Variants in MAML2 observed in about 807,000 individuals in gnomAD.
MAML2 encodes the protein mastermind-like protein 2.
Under a neutral mutation model 96.1 loss-of-function variants are expected in MAML2, and 22 were observed. The observed-to-expected ratio is 0.23, with a 90% confidence interval of 0.16 to 0.33. The LOEUF (loss-of-function observed/expected upper bound fraction) is 0.33, where lower values mean the gene tolerates loss of function less well. Among genes scored for constraint, MAML2 ranks in the 10% least tolerant of loss-of-function variants. The pLI is 1.00. For missense variants in MAML2, 1,367 were observed against 1,392.4 expected, an observed-to-expected ratio of 0.98 and a Z score of 0.29; for synonymous variants, 561 against 521.3, an observed-to-expected ratio of 1.08 and a Z score of -1.04.
At chr11:96,309,871 T>C (rs1258792657) in intron 1 of MAML2, among the ~76,000 whole-genome samples, 1 of 151,942 alleles carries the variant, frequency 6.6e-6, no homozygotes, top group Non-Finnish European at 1.5e-5. Flanking sequence ...AGCTAATTTA[T>C]ACATTTTTTT....
At chr11:96,172,761 A>T (rs1031941251) in intron 1 of MAML2, among the ~76,000 whole-genome samples, 3 of 152,182 alleles carry the variant, frequency 2.0e-5, no homozygotes, top group Non-Finnish European at 4.4e-5. Flanking sequence ...GCTGGTTTTA[A>T]TAATAATTTT....
chr11:96,216,683 A>G (rs1565251856), intron 1 of MAML2, among the ~76,000 whole-genome samples: 1 of 152,196 alleles, frequency 6.6e-6, no homozygotes, highest in African/African-American at 2.4e-5. Flanking sequence ...AAAAGCAGAA[A>G]GAGACTCAGT....
intron 4 of MAML2, among the ~76,000 whole-genome samples, chr11:95,984,635 G>A (rs1857797640): frequency 6.6e-6 from 1 of 152,158 alleles, no homozygotes; most frequent in South Asian, 2.1e-4. Flanking sequence ...ATTTGAGGGG[G>A]TTTAAATAAG....
intron 1 of MAML2, among the ~76,000 whole-genome samples, chr11:96,171,443 C>G (rs1368641920): frequency 1.3e-5 from 2 of 152,146 alleles, no homozygotes; most frequent in African/African-American, 4.8e-5. Flanking sequence ...CCTTCCCACT[C>G]CACTCTGCAA....
chr11:96,099,985 G>T (rs185313724), intron 1 of MAML2, among the ~76,000 whole-genome samples: 1 of 152,250 alleles, frequency 6.6e-6, no homozygotes, highest in Non-Finnish European at 1.5e-5. Context: ...AGAATGTGAA[G>T]CCCTGAGAAC....
At chr11:96,234,361 A>G (rs1047947000) in intron 1 of MAML2, among the ~76,000 whole-genome samples, 1 of 152,180 alleles carries the variant, frequency 6.6e-6, no homozygotes, top group African/African-American at 2.4e-5. Context: ...CATGCCTGTA[A>G]TCCCAGCTAC....
chr11:96,266,589 A>G (rs2135976916), intron 1 of MAML2, among the ~76,000 whole-genome samples: 1 of 152,130 alleles, frequency 6.6e-6, no homozygotes, highest in Admixed American at 6.5e-5. Flanking sequence ...AAAAAGAAAA[A>G]CAACATATTG....
chr11:96,333,522 C>T (rs1863879621), intron 1 of MAML2, among the ~76,000 whole-genome samples: 2 of 152,200 alleles, frequency 1.3e-5, no homozygotes, highest in South Asian at 2.1e-4. Flanking sequence ...ATCAATAAAA[C>T]TTGCTTTGAA....
At chr11:96,097,581 A>G (rs1434009470) in intron 1 of MAML2, among the ~76,000 whole-genome samples, 1 of 152,222 alleles carries the variant, frequency 6.6e-6, no homozygotes, top group Non-Finnish European at 1.5e-5. Context: ...CATGGGACAC[A>G]CAGTGCCCAG....
In MAML2 at chr11:96,092,034, G is replaced by T; in HGVS notation, c.1997C>A (p.Pro666Gln). The T allele has an allele frequency of 1.3e-6, 2 of 1,558,610 alleles. No individual in the cohort carries two copies. Among genetic ancestry groups the T allele is most frequent in the Non-Finnish European group, 1.7e-6 (2 of 1,151,556 alleles). The change falls in exon 2 of 5, where the codon CCA becomes CAA. Residue 666 changes from proline (P) to glutamine (Q), a missense_variant. Physicochemically the swap from Pro to Gln is moderately conservative, Grantham distance 76. Transcript: ENST00000524717. The surrounding 1 kb of genome is among the most constrained non-coding windows in gnomAD (Gnocchi z 4.1). ...QQQQQQQQQQ[P>Q]SSQPAQSLPS... ...TAGAGATTGGGCAGGCTGAGAAGAT[G>T]GTTGTTGCTGCTGCTGCTGCTGCTG...
chr11:96,300,065 C>G (rs1166449305), intron 1 of MAML2, among the ~76,000 whole-genome samples: 1 of 151,952 alleles, frequency 6.6e-6, no homozygotes, highest in African/African-American at 2.4e-5. Flanking sequence ...ACAGGAGGCT[C>G]AGAGAGAGTA....
intron 1 of MAML2, among the ~76,000 whole-genome samples, chr11:96,310,357 C>A (rs891864713): frequency 5.9e-5 from 9 of 152,004 alleles, no homozygotes; most frequent in Admixed American, 5.2e-4. Context: ...AGGGTTTATA[C>A]CATTTCATCA....
chr11:95,980,950 G>A (rs1053223912), intron 4 of MAML2, among the ~76,000 whole-genome samples: 1 of 152,142 alleles, frequency 6.6e-6, no homozygotes, highest in South Asian at 2.1e-4. Context: ...GACCGCTTCC[G>A]ACTGACTCTT....
At chr11:96,137,722 G>T (rs1044904279) in intron 1 of MAML2, among the ~76,000 whole-genome samples, 10 of 152,158 alleles carry the variant, frequency 6.6e-5, no homozygotes, top group Non-Finnish European at 1.5e-4. Flanking sequence ...GAAACTGTGG[G>T]TGTTTATGGT....
In MAML2 at chr11:96,277,047, A is replaced by G. The variant is rs185262329; in HGVS notation, c.513+64336T>C. ...TTCATGCTCTGTAAAAACTCACAGC[A>G]TGAAAGATAAGCTCAGATATTTATG... On this transcript the variant is annotated intron_variant, in intron 1 of 4. Transcript: ENST00000524717. Among the ~76,000 whole-genome samples, 29 of 152,292 alleles carry G rather than the reference A, an allele frequency of 1.9e-4. No homozygotes were observed. The East Asian group carries it at 5.6e-3, about 29-fold the overall frequency.
chr11:96,186,667 C>T (rs917686878), intron 1 of MAML2, among the ~76,000 whole-genome samples: 2 of 152,200 alleles, frequency 1.3e-5, no homozygotes, highest in African/African-American at 4.8e-5. Flanking sequence ...TTAAGTAACT[C>T]ACATGCATTT....
intron 1 of MAML2, among the ~76,000 whole-genome samples, chr11:96,304,709 T>G (rs901825346): frequency 6.6e-6 from 1 of 152,216 alleles, no homozygotes; most frequent in Admixed American, 6.5e-5. Context: ...ATATAAACTC[T>G]TCTTGCAGCA....
At chr11:96,329,540 G>A (rs1438315273) in intron 1 of MAML2, among the ~76,000 whole-genome samples, 1 of 152,156 alleles carries the variant, frequency 6.6e-6, no homozygotes, top group Non-Finnish European at 1.5e-5. Context: ...CATACCAAAA[G>A]AGGCCTAAGA....
chr11:96,126,126 G>C lies in MAML2; in HGVS notation c.514-32609C>G, dbSNP rs145975518. Among the ~76,000 whole-genome samples the C allele has an allele frequency of 3.8e-3, 574 of 152,298 alleles. 5 individuals carry two copies. The highest frequency in any genetic ancestry group is 0.013 in the African/African-American group (543 of 41,548). ...GCCCTAACTATGTAGTCAGCATCTG[G>C]ATGTGCAAGGTGTTATGCTGGGAGA... On this transcript the variant is annotated intron_variant, in intron 1 of 4. Transcript: ENST00000524717.
Sources: gnomAD v4.1 joint callset for allele counts (sites outside exome capture counted in the v4.1 genomes callset) on GRCh38, gnomAD v4.1.1 for gene constraint, Gnocchi (gnomAD v3.1) non-coding constraint, MANE v1.5 for transcripts, NCBI Gene and HGNC (gene_info 2026-07-23, HGNC 2026-07-21) for gene names.